The following TTC14 variants were observed in gnomAD, a reference collection of about 807,000 sequenced individuals.
TTC14 encodes tetratricopeptide repeat protein 14.
Under a neutral mutation model 79.9 loss-of-function variants are expected in TTC14, and 63 were observed. The observed-to-expected ratio is 0.79, with a 90% CI of 0.64 to 0.97. The LOEUF is 0.97. Ranked by LOEUF, TTC14 falls within the 50% of genes least tolerant of loss-of-function variation. TTC14 has a pLI of 0.00. For missense variants in TTC14, 895 were observed against 894.0 expected (o/e 1.00, Z -0.01); for synonymous variants, 335 against 309.6 (o/e 1.08, Z -0.86).
chr3:180,610,409 C>T lies in TTC14; in HGVS notation c.2180C>T (p.Pro727Leu), dbSNP rs752252634. 5 of 1,613,680 alleles carry T rather than the reference C, an allele frequency of 3.1e-6. No individual in the cohort carries two copies. Among genetic ancestry groups the T allele is most frequent in the East Asian group, 2.2e-5 (1 of 44,846 alleles). Residue 727 changes from proline (P) to leucine (L), a missense_variant, in exon 12 of 12, where the codon CCA becomes CTA. Transcript: ENST00000296015. ...GGGGAGGATATCAAAACAGAGGTTC[C>T]AGAAGAAGATGCACTAAGTAGCAAA... ...NYGEDIKTEVPEEDALSSKEH... is the reference protein window; with the variant it reads ...NYGEDIKTEVLEEDALSSKEH...
At chr3:180,604,733 C>A in intron 5 of TTC14, 119 bp from the exon 6 acceptor site, 1 of 1,406,744 alleles carries the variant, frequency 7.1e-7, no homozygotes, top group East Asian at 2.3e-5. Flanking sequence ...ATAATATTGC[C>A]ACACCATCTT....
rs2108388197 is a variant in TTC14 at position 180,602,408 on chromosome 3, C to G, written c.147C>G (p.His49Gln). 1 of 1,606,236 alleles carries G rather than the reference C, an allele frequency of 6.2e-7. No homozygotes were observed. Among genetic ancestry groups the G allele is most frequent in the South Asian group, 1.1e-5 (1 of 90,750 alleles). Residue 49 changes from histidine to glutamine, a missense_variant, in exon 1 of 12, where the codon CAC becomes CAG. His to Gln is a conservative substitution (Grantham distance 24, BLOSUM62 0). Transcript: ENST00000296015. ...AEPARGPPPQ[H>Q]PLQGRKEKRV... is the part of the protein sequence containing the mutation. Reference sequence around the variant, plus strand: ...CAGCCCGGGGCCCGCCGCCCCAGCACCCGTTGCAGGGCAGGTAATGAGACG... The same window carrying G: ...CAGCCCGGGGCCCGCCGCCCCAGCAGCCGTTGCAGGGCAGGTAATGAGACG...
chr3:180,603,254 C>T lies in TTC14; in HGVS notation c.417C>T (p.Phe139=). The change falls in exon 3 of 12, where the codon TTC becomes TTT. Residue 139 remains phenylalanine (F), a synonymous_variant. Coordinates refer to ENST00000296015, the MANE Select transcript of TTC14 (RefSeq NM_133462.4). ...VIGRISSIRE[F]GFFMVLICLG... ...GAAGAATTAGTTCTATTCGGGAATT[C>T]GGTTTTTTCATGGTGTTGATCTGTT... 6.2e-7 allele frequency: 1 copy of T among 1,613,886 alleles called. No homozygotes were observed. Among genetic ancestry groups the T allele is most frequent in the Middle Eastern group, 1.7e-4 (1 of 6,058 alleles).
rs781110135 is a variant in TTC14 at position 180,609,813 on chromosome 3, A to G, written c.1584A>G (p.Ile528Met). ...CATCTAGGGCATCCTCAAATCAGAT[A>G]GATCAGAATAGGAAAGATGAGTGCT... ...RHSSRASSNQ[I>M]DQNRKDECYP... The change falls in exon 12 of 12, where the codon ATA becomes ATG. Residue 528 changes from isoleucine (I) to methionine (M), a missense_variant. Physicochemically the swap from Ile to Met is conservative, Grantham distance 10. Coordinates refer to ENST00000296015, the MANE Select transcript of TTC14 (RefSeq NM_133462.4). 142 of 1,613,710 alleles carry G rather than the reference A, an allele frequency of 8.8e-5. No individual in the cohort carries two copies. The highest frequency in any genetic ancestry group is 5.1e-4 in the South Asian group (46 of 90,966).
chr3:180,603,090 A>G (rs1217584477), intron 2 of TTC14, 34 bp from the exon 3 acceptor site: 4 of 1,610,852 alleles, frequency 2.5e-6, no homozygotes, highest in East Asian at 2.2e-5. Context: ...ACTCAAAACT[A>G]TCGTTAGTGA....
At chr3:180,606,451 C>A (rs778720025) in intron 8 of TTC14, 30 bp from the exon 9 acceptor site, 1 of 1,613,204 alleles carries the variant, frequency 6.2e-7, no homozygotes, top group Non-Finnish European at 8.5e-7. Context: ...TTGTGAGATA[C>A]AGCCCTCTAT....
intron 12 of TTC14, chr3:180,616,348 G>A: frequency 6.2e-7 from 1 of 1,612,808 alleles, no homozygotes; most frequent in Non-Finnish European, 8.5e-7. Flanking sequence ...CTAGCTGTAG[G>A]TAGTTCTAAC....
chr3:180,613,802 T>G (rs971253612), downstream of TTC14: 1 of 453,518 alleles, frequency 2.2e-6, no homozygotes, highest in African/African-American at 2.0e-5. Context: ...AGCCAAAAAT[T>G]TTATTACCTA....
chr3:180,609,765 T>C lies in TTC14; in HGVS notation c.1536T>C (p.Ser512=), dbSNP rs752069110. Residue 512 remains serine (S), a synonymous_variant, in exon 12 of 12, where the codon TCT becomes TCC. Transcript: ENST00000296015. ...HKKHKRNRSE[S]SRSSRRHSSR... The stretch of plus-strand genomic sequence containing the variant: ...AACATAAGAGGAACCGTTCAGAGTC[T>C]TCTCGCAGTTCCAGAAGGCATTCAT... The C allele has an allele frequency of 6.2e-7, 1 of 1,614,026 alleles. No individual in the cohort carries two copies. Among genetic ancestry groups the C allele is most frequent in the Non-Finnish European group, 8.5e-7 (1 of 1,179,928 alleles).
In TTC14 at chr3:180,606,296, G is replaced by C; in HGVS notation, c.973G>C (p.Asp325His). The stretch of plus-strand genomic sequence containing the variant: ...CTATTTTAAAGTTGGACGCCATGTG[G>C]ATGCTATGAATGAATACAATAAAGC... ...VDYFKVGRHV[D>H]AMNEYNKALE... is the part of the protein sequence containing the mutation. Residue 325 changes from aspartate (D) to histidine (H), a missense_variant, in exon 8 of 12, where the codon GAT (aspartate) becomes CAT (histidine). Asp to His is a moderately conservative substitution (Grantham distance 81). Coordinates refer to ENST00000296015, the MANE Select transcript of TTC14 (RefSeq NM_133462.4). 5 of 1,614,136 alleles carry C rather than the reference G, an allele frequency of 3.1e-6. No individual in the cohort carries two copies. The highest frequency in any genetic ancestry group is 4.2e-6 in the Non-Finnish European group (5 of 1,179,996).
At chr3:180,616,120 TAA>T (rs1390483258), downstream of TTC14, among the ~76,000 whole-genome samples, 1 of 152,226 alleles carries the variant, frequency 6.6e-6, no homozygotes, top group Non-Finnish European at 1.5e-5. Flanking sequence ...TTTCTGCATC[TAA>T]TCTATATGAT....
chr3:180,616,775 G>A, intron 12 of TTC14: 1 of 1,583,868 alleles, frequency 6.3e-7, no homozygotes, highest in Non-Finnish European at 8.6e-7. Context: ...GGAGGATTTG[G>A]GACTTCAAAA....
At chr3:180,609,265 A>AC in intron 11 of TTC14, 12 of 895,464 alleles carry the variant, frequency 1.3e-5, no homozygotes, top group Non-Finnish European at 1.6e-5. Flanking sequence ...CCCACCCCCT[A>AC]CCAAGAATTA....
chr3:180,610,161 T>C lies in TTC14; in HGVS notation c.1932T>C (p.Tyr644=). The change falls in exon 12 of 12, where the codon TAT becomes TAC. Residue 644 remains tyrosine, a synonymous_variant. Transcript: ENST00000296015. The part of the protein sequence containing the change: ...CRNSEDKIYG[Y]RRFEKDIEGR... The stretch of plus-strand genomic sequence containing the variant: ...ATTCAGAGGACAAGATTTATGGTTA[T>C]AGGAGATTTGAAAAGGATATAGAGG... The C allele has an allele frequency of 6.2e-7, 1 of 1,613,134 alleles. No individual in the cohort carries two copies. Among genetic ancestry groups the C allele is most frequent in the Non-Finnish European group, 8.5e-7 (1 of 1,179,712 alleles).
chr3:180,604,003 A>T (rs1716531819), intron 3 of TTC14: 3 of 554,398 alleles, frequency 5.4e-6, no homozygotes, highest in Non-Finnish European at 9.5e-6. Flanking sequence ...TGGTTCCTAA[A>T]CTAATGGAAA....
intron 11 of TTC14, chr3:180,609,241 C>A: frequency 1.5e-6 from 1 of 662,116 alleles, no homozygotes; most frequent in Non-Finnish European, 1.9e-6. Flanking sequence ...CACAGGTCAG[C>A]TCCCACCCGC....
Position 180,603,204 on chromosome 3 carries a change from A to G in TTC14, c.367A>G (p.Ile123Val). Residue 123 changes from isoleucine (I) to valine (V), a missense_variant, in exon 3 of 12, where the codon ATT (isoleucine) becomes GTT (valine). Ile to Val is a conservative substitution (Grantham distance 29). Transcript: ENST00000296015. ...TCGGAGAGAGCTGTTTTTCCGAGAT[A>G]TTGAGCGTGGTGATATAGTGATTGG... ...MDRRELFFRDIERGDIVIGRI... is the reference protein window; with the variant it reads ...MDRRELFFRDVERGDIVIGRI... 1 of 1,614,030 alleles carries G rather than the reference A, an allele frequency of 6.2e-7. No homozygotes were observed. The highest frequency in any genetic ancestry group is 8.5e-7 in the Non-Finnish European group (1 of 1,179,998).
chr3:180,616,866 GTTTCT>G, intron 12 of TTC14: 1 of 1,605,468 alleles, frequency 6.2e-7, no homozygotes, highest in Non-Finnish European at 8.5e-7. Flanking sequence ...CTGCTCCTCC[GTTTCT>G]TTACTTAGTT....
chr3:180,608,683 A>G lies in TTC14; in HGVS notation c.1291-18A>G. 1.3e-6 allele frequency: 2 copies of G among 1,500,024 alleles called. No homozygotes were observed. Among genetic ancestry groups the G allele is most frequent in the Non-Finnish European group, 1.8e-6 (2 of 1,130,346 alleles). 92.9% of individuals were successfully genotyped at this position (1,500,024 alleles called of 1,614,324 possible). ...TATTTTTAACGTGTGGTTTTTTTCG[A>G]TATCTGGGTTCTAAAAGAAATCTTT... is the stretch of plus-strand genomic sequence containing the variant. On this transcript the variant is annotated intron_variant, in intron 10 of 11. Coordinates refer to ENST00000296015, the MANE Select transcript of TTC14 (RefSeq NM_133462.4).
Sources: allele counts gnomAD v4.1 joint callset (sites outside exome capture counted in the v4.1 genomes callset), GRCh38; gene constraint gnomAD v4.1.1; transcripts MANE v1.5; gene names NCBI Gene and HGNC (gene_info 2026-07-23, HGNC 2026-07-21).